Variants in ACVR1 observed in about 807,000 individuals in gnomAD.
ACVR1 encodes activin A receptor type 1.
Under a neutral mutation model 57.1 loss-of-function variants are expected in ACVR1, and 38 were observed. The observed-to-expected ratio is 0.67, with a 90% CI of 0.51 to 0.87. The LOEUF is 0.87. ACVR1 is among the 40% of genes least tolerant of loss of function. The pLI is 0.00. For missense variants in ACVR1, 463 were observed against 638.2 expected (o/e 0.73, Z 2.96); for synonymous variants, 212 against 228.1 (o/e 0.93, Z 0.63).
At position 157,871,460 on chromosome 2, in the gene ACVR1, C is replaced by T. The variant is rs561783363; in HGVS notation, c.-183+4336G>A. Among the ~76,000 whole-genome samples, 150 of 152,260 alleles carry T rather than the reference C, an allele frequency of 9.9e-4. No individual in the cohort carries two copies. The South Asian group carries it at 0.014, about 15-fold the overall frequency. Reference sequence around the variant, plus strand: ...TATGCTAAAAGTGGTCTCACCCCATCCCCCTCTTCAAAACAACTTTCACCT... The same window carrying T: ...TATGCTAAAAGTGGTCTCACCCCATTCCCCTCTTCAAAACAACTTTCACCT... On this transcript the variant is annotated intron_variant, in intron 1 of 10. Transcript: ENST00000434821.
In ACVR1 at chr2:157,876,134, G is replaced by A. The variant is rs1462704033; in HGVS notation, c.-521C>T. Among the ~76,000 whole-genome samples the A allele has an allele frequency of 1.1e-4, 17 of 149,392 alleles. No individual in the cohort carries two copies. Among genetic ancestry groups the A allele is most frequent in the Non-Finnish European group, 2.2e-4 (15 of 67,080 alleles). ...GAGGGCGGGGAGGCGGGGTGAAGAG[G>A]AGGAGGAAGGGGAGGAGGGCGGGCA... On this transcript the variant is annotated 5_prime_UTR_variant, in exon 1 of 11. Transcript: ENST00000434821.
chr2:157,865,795 C>CAA lies in ACVR1; in HGVS notation c.-183+9999_-183+10000dup, dbSNP rs58489057. ...GGGCAAAAAGAGGGAAACTCCATCT[C>CAA]AAAAAAAAAAAAAAGAAAAAGAAAA... On this transcript the variant is annotated intron_variant, in intron 1 of 10. Coordinates refer to ENST00000434821, the MANE Select transcript of ACVR1 (RefSeq NM_001111067.4). Among the ~76,000 whole-genome samples, 57 of 119,160 alleles carry CAA rather than the reference C, an allele frequency of 4.8e-4. 1 individual carries two copies. Among genetic ancestry groups the CAA allele is most frequent in the Middle Eastern group, 4.0e-3 (1 of 248 alleles). 78.2% of individuals were successfully genotyped at this position (119,160 alleles called of 152,430 possible).
At chr2:157,794,454 G>C (rs1396903545) in intron 3 of ACVR1, among the ~76,000 whole-genome samples, 1 of 152,102 alleles carries the variant, frequency 6.6e-6, no homozygotes, top group East Asian at 1.9e-4. Flanking sequence ...AAACAGACTG[G>C]ATCGAGCTGG....
At chr2:157,793,796 C>G (rs1574072315) in intron 3 of ACVR1, among the ~76,000 whole-genome samples, 1 of 152,098 alleles carries the variant, frequency 6.6e-6, no homozygotes, top group African/African-American at 2.4e-5. Flanking sequence ...TTCTATTCTT[C>G]CCCCCAGCAG....
At chr2:157,767,093 G>A (rs899395276) in intron 7 of ACVR1, among the ~76,000 whole-genome samples, 4 of 151,984 alleles carry the variant, frequency 2.6e-5, no homozygotes, top group African/African-American at 4.8e-5. Context: ...GTGCAATGGC[G>A]CGATCTCGGT....
intron 1 of ACVR1, chr2:157,860,264 G>A (rs1028510922): frequency 2.6e-5 from 4 of 152,268 alleles, no homozygotes; most frequent in Admixed American, 2.0e-4. Flanking sequence ...TGCCCACTTC[G>A]GCAGTGAAAG....
At chr2:157,763,113 A>G (rs937099470) in intron 8 of ACVR1, among the ~76,000 whole-genome samples, 26 of 152,244 alleles carry the variant, frequency 1.7e-4, no homozygotes, top group African/African-American at 5.8e-4. Context: ...ACTTTGGCTG[A>G]GTTCCTCTTT....
intron 2 of ACVR1, among the ~76,000 whole-genome samples, chr2:157,806,383 G>A (rs1046487793): frequency 6.6e-6 from 1 of 151,852 alleles, no homozygotes; most frequent in Admixed American, 6.6e-5. Context: ...GTGGTTTCTA[G>A]CCCCCATCCT....
chr2:157,854,199 TAAAAA>T (rs398060692), intron 1 of ACVR1, among the ~76,000 whole-genome samples: 1 of 118,502 alleles, frequency 8.4e-6, no homozygotes. Flanking sequence ...CCTAAAGGAG[TAAAAA>T]AAAAAAAAAA....
At chr2:157,751,744 A>G (rs1239472464) in intron 9 of ACVR1, among the ~76,000 whole-genome samples, 1 of 152,184 alleles carries the variant, frequency 6.6e-6, no homozygotes, top group Non-Finnish European at 1.5e-5. Flanking sequence ...TGCTGGGAAC[A>G]TAACTCCACT....
intron 2 of ACVR1, among the ~76,000 whole-genome samples, chr2:157,814,212 G>A (rs1687853871): frequency 6.6e-6 from 1 of 152,058 alleles, no homozygotes; most frequent in Non-Finnish European, 1.5e-5. Context: ...GGCCAACGGA[G>A]AAAAATATAA....
chr2:157,743,005 C>T (rs1448489265), intron 9 of ACVR1, among the ~76,000 whole-genome samples: 1 of 152,098 alleles, frequency 6.6e-6, no homozygotes, highest in Admixed American at 6.5e-5. Flanking sequence ...GGAGCCCACT[C>T]CCTCCCCACC....
At chr2:157,868,397 G>A (rs553910448) in intron 1 of ACVR1, among the ~76,000 whole-genome samples, 1 of 151,060 alleles carries the variant, frequency 6.6e-6, no homozygotes, top group Non-Finnish European at 1.5e-5. Context: ...TGAGGCAGGA[G>A]AATCGCTTCA....
At chr2:157,826,833 G>A (rs1195337031) in intron 1 of ACVR1, among the ~76,000 whole-genome samples, 1 of 126,724 alleles carries the variant, frequency 7.9e-6, no homozygotes, top group African/African-American at 3.2e-5. Context: ...AGAGGGGAGA[G>A]GGGAGAGGGG....
chr2:157,766,330 G>A (rs1264616923), intron 7 of ACVR1, 134 bp from the exon 8 acceptor site: 12 of 875,528 alleles, frequency 1.4e-5, no homozygotes, highest in African/African-American at 1.7e-5. Context: ...GCCCTAAGAG[G>A]AGGTTTACAG....
chr2:157,864,960 A>T (rs923013032), intron 1 of ACVR1, among the ~76,000 whole-genome samples: 94 of 151,054 alleles, frequency 6.2e-4, no homozygotes, highest in African/African-American at 1.9e-3. Flanking sequence ...TTTTTTTTTT[A>T]AAAAGGTGAT....
At chr2:157,834,632 A>C (rs1011901584) in intron 1 of ACVR1, among the ~76,000 whole-genome samples, 1 of 152,164 alleles carries the variant, frequency 6.6e-6, no homozygotes, top group African/African-American at 2.4e-5. Context: ...ATTCATGCAG[A>C]TGTATATCAA....
At chr2:157,763,424 A>G (rs1451491120) in intron 8 of ACVR1, among the ~76,000 whole-genome samples, 2 of 152,226 alleles carry the variant, frequency 1.3e-5, no homozygotes, top group African/African-American at 2.4e-5. Context: ...TTTTAATAAT[A>G]AAAAGAAAAA....
chr2:157,857,241 T>A (rs552222329), intron 1 of ACVR1, among the ~76,000 whole-genome samples: 3 of 152,144 alleles, frequency 2.0e-5, no homozygotes, highest in East Asian at 3.9e-4. Context: ...TTCTGGATAT[T>A]TCTGGGACTC....
Sources: allele counts gnomAD v4.1 joint callset (sites outside exome capture counted in the v4.1 genomes callset), GRCh38; gene constraint gnomAD v4.1.1; transcripts MANE v1.5; gene names NCBI Gene and HGNC (gene_info 2026-07-23, HGNC 2026-07-21).